DOCK2: variants seen among roughly 807,000 people sequenced by gnomAD.
DOCK2 encodes the protein dedicator of cytokinesis 2.
Under a neutral mutation model 248.9 loss-of-function variants are expected in DOCK2, and 87 were observed. The observed-to-expected ratio is 0.35, with a 90% CI of 0.29 to 0.42. DOCK2 has a LOEUF of 0.42. Ranked by LOEUF, DOCK2 falls within the 10% of genes least tolerant of loss-of-function variation. The pLI is 1.00. For missense variants in DOCK2, 1,747 were observed against 2,300.2 expected, an observed-to-expected ratio of 0.76 and a Z score of 4.92; for synonymous variants, 805 against 821.6, an observed-to-expected ratio of 0.98 and a Z score of 0.35.
In DOCK2 at chr5:170,008,516, A is replaced by T; in HGVS notation, c.3092A>T (p.His1031Leu). 6.2e-7 allele frequency: 1 copy of T among 1,614,098 alleles called. No individual in the cohort carries two copies. The highest frequency in any genetic ancestry group is 8.5e-7 in the Non-Finnish European group (1 of 1,179,954). Residue 1031 changes from histidine to leucine, a missense_variant, in exon 31 of 52, where the codon CAT becomes CTT. By Grantham distance (99) the His-to-Leu change is moderately conservative. Coordinates refer to ENST00000520908, the MANE Select transcript of DOCK2 (RefSeq NM_004946.3). ...FEFQLWNNYF[H>L]LAVAFITQDS... is the part of the protein sequence containing the mutation. Reference sequence around the variant, plus strand: ...TTACAGCTGTGGAACAACTATTTTCATCTGGCAGTGGCTTTTATCACCCAG... The same window carrying T: ...TTACAGCTGTGGAACAACTATTTTCTTCTGGCAGTGGCTTTTATCACCCAG...
At position 169,700,165 on chromosome 5, in the gene DOCK2, C is replaced by G. The variant is rs76388125; in HGVS notation, c.1258+26C>G. The G allele has an allele frequency of 2.0e-4, 327 of 1,608,642 alleles. No individual in the cohort carries two copies. In the African/African-American group the frequency reaches 4.0e-3, roughly 20 times the overall value. On this transcript the variant is annotated intron_variant, in intron 13 of 51. Transcript: ENST00000520908. ...GTGAGACACAGCTGCTCTGACCTTCCCCTGGGGACATAGGGGCCAATTCAG... is the reference window on the plus strand; with the variant it reads ...GTGAGACACAGCTGCTCTGACCTTCGCCTGGGGACATAGGGGCCAATTCAG...
chr5:170,034,392 G>T lies in DOCK2; in HGVS notation c.3468-7G>T. The stretch of plus-strand genomic sequence containing the variant: ...ATGAGCTCACTGCCCTCTGGTCTCT[G>T]CCGCAGCCTGATGGAATGTGCTGCA... On this transcript the variant is annotated splice_polypyrimidine_tract_variant and splice_region_variant and intron_variant, in intron 34 of 51. Coordinates refer to ENST00000520908, the MANE Select transcript of DOCK2 (RefSeq NM_004946.3). 1.2e-6 allele frequency: 2 copies of T among 1,613,800 alleles called. No individual in the cohort carries two copies. The highest frequency in any genetic ancestry group is 1.7e-6 in the Non-Finnish European group (2 of 1,179,938).
intron 27 of DOCK2, among the ~76,000 whole-genome samples, chr5:169,854,937 G>A (rs988711883): frequency 6.6e-6 from 1 of 152,168 alleles, no homozygotes; most frequent in Non-Finnish European, 1.5e-5. Flanking sequence ...TAATTCCATG[G>A]TAGCAACGGG....
Position 169,815,721 on chromosome 5 carries a change from C to T in DOCK2, c.2703+12515C>T, listed in dbSNP as rs366523. 2.6e-5 allele frequency among the ~76,000 whole-genome samples: 4 copies of T among 152,112 alleles called. No individual in the cohort carries two copies. In the East Asian group the frequency reaches 7.7e-4, roughly 29 times the overall value. The stretch of plus-strand genomic sequence containing the variant: ...TTTTTTGGGACCCCCTTCAATTTTG[C>T]CCCCTAGGTTAGTGTCTAACTTGTA... On this transcript the variant is annotated intron_variant, in intron 26 of 51. Coordinates refer to ENST00000520908, the MANE Select transcript of DOCK2 (RefSeq NM_004946.3).
At chr5:169,998,820 C>T (rs560667270) in intron 30 of DOCK2, among the ~76,000 whole-genome samples, 10 of 152,248 alleles carry the variant, frequency 6.6e-5, no homozygotes, top group South Asian at 2.1e-4. Flanking sequence ...TATAAATCTT[C>T]GACACGGGAA....
At chr5:169,973,509 C>G (rs1161866715) in intron 27 of DOCK2, among the ~76,000 whole-genome samples, 1 of 152,148 alleles carries the variant, frequency 6.6e-6, no homozygotes, top group African/African-American at 2.4e-5. Context: ...GCATGGTTAT[C>G]CCCATTCACA....
chr5:169,720,816 C>T (rs774762434), intron 22 of DOCK2, among the ~76,000 whole-genome samples: 1 of 152,190 alleles, frequency 6.6e-6, no homozygotes, highest in Non-Finnish European at 1.5e-5. Flanking sequence ...CTGCGATCTC[C>T]GCCTCCCACC....
intron 35 of DOCK2, among the ~76,000 whole-genome samples, chr5:170,034,885 A>G (rs908783874): frequency 2.0e-5 from 3 of 152,144 alleles, no homozygotes; most frequent in African/African-American, 7.2e-5. Context: ...TTTCCATCCT[A>G]TATCTGATAA....
chr5:169,773,350 G>T (rs917105048), intron 25 of DOCK2, among the ~76,000 whole-genome samples: 3 of 152,088 alleles, frequency 2.0e-5, no homozygotes, highest in Admixed American at 6.5e-5. Context: ...ACTTAGAATA[G>T]CAGCTTTCAA....
intron 27 of DOCK2, among the ~76,000 whole-genome samples, chr5:169,917,359 A>G (rs777232318): frequency 1.3e-5 from 2 of 152,212 alleles, no homozygotes; most frequent in Non-Finnish European, 2.9e-5. Context: ...GCACCCTGAC[A>G]CCAGTAGCCC....
intron 47 of DOCK2, 86 bp downstream of exon 47, chr5:170,076,170 C>T: frequency 6.6e-7 from 1 of 1,521,584 alleles, no homozygotes. Flanking sequence ...TGGAGGGGAT[C>T]CAGCAAAGGA....
intron 9 of DOCK2, among the ~76,000 whole-genome samples, chr5:169,689,821 C>T (rs558951059): frequency 2.0e-5 from 3 of 152,302 alleles, no homozygotes; most frequent in East Asian, 1.9e-4. Flanking sequence ...AGATGACTAA[C>T]GATCTGGTGG....
intron 27 of DOCK2, among the ~76,000 whole-genome samples, chr5:169,865,358 G>T (rs1771481350): frequency 6.6e-6 from 1 of 152,178 alleles, no homozygotes; most frequent in South Asian, 2.1e-4. Context: ...CCTGTAGGGA[G>T]TGGGTGCTGA....
chr5:169,846,080 T>C (rs2113353770), intron 27 of DOCK2, among the ~76,000 whole-genome samples: 1 of 152,318 alleles, frequency 6.6e-6, no homozygotes, highest in Middle Eastern at 3.4e-3. Flanking sequence ...TCACTTTTAA[T>C]TTTCCAGATG....
chr5:170,066,863 C>A (rs775946693), intron 44 of DOCK2, among the ~76,000 whole-genome samples: 4 of 152,194 alleles, frequency 2.6e-5, no homozygotes, highest in Non-Finnish European at 4.4e-5. Flanking sequence ...ATCTGGCCTG[C>A]AAATCCTAAA....
At chr5:169,689,677 A>G (rs945214868) in intron 9 of DOCK2, among the ~76,000 whole-genome samples, 4 of 152,216 alleles carry the variant, frequency 2.6e-5, no homozygotes, top group Non-Finnish European at 5.9e-5. Flanking sequence ...CGGTTCATTC[A>G]TGATTAACCT....
At chr5:170,005,772 G>A (rs1047947317) in intron 30 of DOCK2, among the ~76,000 whole-genome samples, 1 of 151,928 alleles carries the variant, frequency 6.6e-6, no homozygotes, top group African/African-American at 2.4e-5. Context: ...ATCAGGAATG[G>A]GATGACAGAG....
At chr5:169,921,806 G>T (rs978914) in intron 27 of DOCK2, among the ~76,000 whole-genome samples, 1 of 152,070 alleles carries the variant, frequency 6.6e-6, no homozygotes, top group South Asian at 2.1e-4. Flanking sequence ...TTCTCCCAGA[G>T]CTCTTAATCG....
chr5:170,005,951 C>G (rs1257745128), intron 30 of DOCK2, among the ~76,000 whole-genome samples: 1 of 152,182 alleles, frequency 6.6e-6, no homozygotes, highest in Non-Finnish European at 1.5e-5. Context: ...CTTAATTACT[C>G]TTTTGCTATC....
Sources: gnomAD v4.1 joint callset for allele counts (sites outside exome capture counted in the v4.1 genomes callset) on GRCh38, gnomAD v4.1.1 for gene constraint, MANE v1.5 for transcripts, NCBI Gene and HGNC (gene_info 2026-07-23, HGNC 2026-07-21) for gene names.